The following EPHA5 variants were observed in gnomAD, a reference collection of about 807,000 sequenced individuals.
EPHA5 encodes ephrin type-A receptor 5.
EPHA5 carries 60 observed loss-of-function variants against 105.0 expected under a neutral mutation model. That is an observed-to-expected ratio of 0.57 (90% CI 0.46 to 0.71). The LOEUF (loss-of-function observed/expected upper bound fraction) is 0.71, where lower values mean the gene tolerates loss of function less well. EPHA5 is among the 30% of genes least tolerant of loss of function. The probability of loss-of-function intolerance (pLI) is 0.00; values close to 1 mark genes in which losing one functional copy is unlikely to be tolerated. For synonymous variants in EPHA5, 513 were observed against 449.1 expected (o/e 1.14, Z -1.80); for missense variants, 1,218 against 1,274.7 (o/e 0.96, Z 0.68).
chr4:65,663,346 C>A (rs561339832), intron 1 of EPHA5, among the ~76,000 whole-genome samples: 1 of 152,018 alleles, frequency 6.6e-6, no homozygotes, highest in Non-Finnish European at 1.5e-5. Context: ...TCATACCAAA[C>A]CACAGAGTTT....
In EPHA5 at chr4:65,547,310, AAAG is replaced by A. The variant is rs1346256696; in HGVS notation, c.911-51770_911-51768del. ...TCAAAGCCAAGTGGAAAAAAAAAAA[AAAG>A]AAAGAAACCAGAATGACTTTACTGC... On this transcript the variant is annotated intron_variant, in intron 3 of 16. Transcript: ENST00000613740. 2.0e-5 allele frequency among the ~76,000 whole-genome samples: 3 copies of A among 151,478 alleles called. No homozygotes were observed. In the East Asian group the frequency reaches 5.8e-4, roughly 29 times the overall value.
At chr4:65,578,898 T>C (rs1741331778) in intron 3 of EPHA5, among the ~76,000 whole-genome samples, 1 of 152,070 alleles carries the variant, frequency 6.6e-6, no homozygotes, top group Non-Finnish European at 1.5e-5. Context: ...TCCATATTGG[T>C]GTAAAATGCT....
chr4:65,455,259 A>G (rs146218924), intron 5 of EPHA5, among the ~76,000 whole-genome samples: 76 of 152,082 alleles, frequency 5.0e-4, no homozygotes, highest in Non-Finnish European at 1.0e-3. Flanking sequence ...TAAAATAAAA[A>G]TAAATAAATA....
intron 5 of EPHA5, among the ~76,000 whole-genome samples, chr4:65,445,797 A>T (rs1726460110): frequency 1.3e-5 from 2 of 152,194 alleles, no homozygotes; most frequent in Admixed American, 1.3e-4. Context: ...TCAAATCCAC[A>T]TATGGATAAA....
intron 2 of EPHA5, among the ~76,000 whole-genome samples, chr4:65,624,900 G>T (rs746605355): frequency 1.2e-4 from 18 of 152,174 alleles, no homozygotes; most frequent in Non-Finnish European, 2.9e-5. Context: ...ATATTTAAGA[G>T]ATGAGTGTGC....
intron 5 of EPHA5, among the ~76,000 whole-genome samples, chr4:65,424,599 A>C (rs1184237132): frequency 6.6e-6 from 1 of 152,064 alleles, no homozygotes; most frequent in Non-Finnish European, 1.5e-5. Context: ...AGAAGTTTTC[A>C]ATGATGAATT....
At chr4:65,592,065 G>A (rs952751858) in intron 3 of EPHA5, among the ~76,000 whole-genome samples, 2 of 151,726 alleles carry the variant, frequency 1.3e-5, no homozygotes, top group Non-Finnish European at 2.9e-5. Flanking sequence ...TATACCTGGG[G>A]AGCTATAAAA....
In EPHA5 at chr4:65,538,019, A is replaced by G. The variant is rs114719235; in HGVS notation, c.911-42476T>C. 4.8e-3 allele frequency among the ~76,000 whole-genome samples: 731 copies of G among 151,892 alleles called. 8 individuals carry two copies. The highest frequency in any genetic ancestry group is 0.017 in the African/African-American group (691 of 41,502). Reference sequence around the variant, plus strand: ...TCATCTAATACTTTTCTCATTTTAGAAAAATAAAATAACATTCCCTAAAGG... The same window carrying G: ...TCATCTAATACTTTTCTCATTTTAGGAAAATAAAATAACATTCCCTAAAGG... On this transcript the variant is annotated intron_variant, in intron 3 of 16. Transcript: ENST00000613740.
intron 3 of EPHA5, among the ~76,000 whole-genome samples, chr4:65,576,046 GAAAGAAAGAAAGA>G (rs1489001696): frequency 8.4e-4 from 48 of 56,926 alleles, no homozygotes; most frequent in African/African-American, 2.0e-3. Flanking sequence ...AAGAAAGAAA[GAAAGAAAGAAAGA>G]AAAGAAAAGA....
chr4:65,618,144 A>C (rs1745405946), intron 2 of EPHA5, among the ~76,000 whole-genome samples: 1 of 152,156 alleles, frequency 6.6e-6, no homozygotes, highest in Admixed American at 6.6e-5. Flanking sequence ...ATTGTCTTCC[A>C]CTTACCACCA....
intron 7 of EPHA5, among the ~76,000 whole-genome samples, chr4:65,409,340 T>TAAAA (rs1174526483): frequency 0.046 from 925 of 20,272 alleles, 6 homozygotes; most frequent in Non-Finnish European, 0.091. Flanking sequence ...TAAGGTATAA[T>TAAAA]AATAAAAAAT....
At chr4:65,380,409 G>A (rs1313359290) in intron 8 of EPHA5, among the ~76,000 whole-genome samples, 3 of 151,678 alleles carry the variant, frequency 2.0e-5, no homozygotes, top group African/African-American at 7.3e-5. Flanking sequence ...GATCAATATA[G>A]GTATGAAGTG....
intron 4 of EPHA5, among the ~76,000 whole-genome samples, chr4:65,493,212 A>G (rs1731590942): frequency 6.6e-6 from 1 of 152,150 alleles, no homozygotes; most frequent in African/African-American, 2.4e-5. Context: ...CGCACCTACA[A>G]AAAACATATA....
chr4:65,395,663 C>T (rs1407451907), intron 8 of EPHA5, among the ~76,000 whole-genome samples: 1 of 152,062 alleles, frequency 6.6e-6, no homozygotes, highest in African/African-American at 2.4e-5. Context: ...TTGAATAGAA[C>T]ATAAGGAGAA....
chr4:65,330,111 G>C (rs1217604862), intron 16 of EPHA5, among the ~76,000 whole-genome samples: 1 of 151,304 alleles, frequency 6.6e-6, no homozygotes, highest in Non-Finnish European at 1.5e-5. Flanking sequence ...AGTTACTATA[G>C]ACAGACCAAT....
intron 5 of EPHA5, among the ~76,000 whole-genome samples, chr4:65,444,490 T>C (rs138725788): frequency 6.6e-6 from 1 of 152,288 alleles, no homozygotes; most frequent in East Asian, 1.9e-4. Context: ...AGAATTTTTA[T>C]AGGAGCTATC....
At chr4:65,539,782 TATGAGTA>T (rs1736641301) in intron 3 of EPHA5, among the ~76,000 whole-genome samples, 1 of 151,632 alleles carries the variant, frequency 6.6e-6, no homozygotes, top group African/African-American at 2.4e-5. Context: ...TTGCTGTTAC[TATGAGTA>T]ATATTAGTGT....
chr4:65,553,610 C>G (rs986734475), intron 3 of EPHA5, among the ~76,000 whole-genome samples: 1 of 151,894 alleles, frequency 6.6e-6, no homozygotes, highest in Non-Finnish European at 1.5e-5. Context: ...AAAGAATAAG[C>G]AGAAATTCAT....
At position 65,365,837 on chromosome 4, in the gene EPHA5, G is replaced by T; in HGVS notation, c.1987+95C>A. 7.7e-6 allele frequency: 10 copies of T among 1,292,622 alleles called. No homozygotes were observed. In the East Asian group the frequency reaches 1.9e-4, roughly 25 times the overall value. The allele number at this position is 1,292,622 out of a possible 1,614,324, so 80.1% of individuals were successfully genotyped here. Reference sequence around the variant, plus strand: ...CTTTGAATGCAAGCCAATTAGAAAAGATTAAAAACATTCTCTGTTACATCA... The same window carrying T: ...CTTTGAATGCAAGCCAATTAGAAAATATTAAAAACATTCTCTGTTACATCA... On this transcript the variant is annotated intron_variant, in intron 10 of 16. Transcript: ENST00000613740.
Sources: allele counts gnomAD v4.1 joint callset (sites outside exome capture counted in the v4.1 genomes callset), GRCh38; gene constraint gnomAD v4.1.1; transcripts MANE v1.5; gene names NCBI Gene and HGNC (gene_info 2026-07-23, HGNC 2026-07-21).